The following DSCAML1 variants were observed in gnomAD, a reference collection of about 807,000 sequenced individuals.
The protein encoded by DSCAML1 is cell adhesion molecule DSCAML1.
DSCAML1 carries 38 observed loss-of-function variants against 200.5 expected under a neutral mutation model. That is an observed-to-expected ratio of 0.19 (90% CI 0.15 to 0.25). The LOEUF is 0.25. Among genes scored for constraint, DSCAML1 ranks in the 10% least tolerant of loss-of-function variants. The pLI is 1.00. For missense variants in DSCAML1, 2,223 were observed against 2,858.8 expected, an observed-to-expected ratio of 0.78 and a Z score of 5.07; for synonymous variants, 1,215 against 1,165.0, an observed-to-expected ratio of 1.04 and a Z score of -0.87.
intron 3 of DSCAML1, among the ~76,000 whole-genome samples, chr11:117,768,700 C>T (rs2054942671): frequency 6.6e-6 from 1 of 152,098 alleles, no homozygotes; most frequent in Admixed American, 6.6e-5. Flanking sequence ...TTTATCATTC[C>T]CATTTTATAG....
chr11:117,664,617 A>G (rs1022024088), intron 3 of DSCAML1, among the ~76,000 whole-genome samples: 2 of 152,268 alleles, frequency 1.3e-5, no homozygotes, highest in South Asian at 2.1e-4. Context: ...GGGGGCACTT[A>G]GCACAATGTC....
At chr11:117,655,753 T>G (rs2052720656) in intron 3 of DSCAML1, among the ~76,000 whole-genome samples, 1 of 152,116 alleles carries the variant, frequency 6.6e-6, no homozygotes, top group Non-Finnish European at 1.5e-5. Context: ...AATCTCAGGA[T>G]GGAGATGCTG....
chr11:117,562,245 G>T (rs1175362476), intron 3 of DSCAML1, among the ~76,000 whole-genome samples: 2 of 152,090 alleles, frequency 1.3e-5, no homozygotes, highest in African/African-American at 2.4e-5. Flanking sequence ...AGTTACTGAC[G>T]CACTGTGGGT....
chr11:117,765,110 A>G (rs1275431041), intron 3 of DSCAML1, among the ~76,000 whole-genome samples: 1 of 152,204 alleles, frequency 6.6e-6, no homozygotes, highest in Non-Finnish European at 1.5e-5. Context: ...AAAGGTGAAG[A>G]GGAGGAGTCA....
chr11:117,704,661 A>G (rs2053727293), intron 3 of DSCAML1, among the ~76,000 whole-genome samples: 1 of 152,234 alleles, frequency 6.6e-6, no homozygotes, highest in Non-Finnish European at 1.5e-5. Context: ...AGCCTCGGCA[A>G]TGAGAACATA....
intron 8 of DSCAML1, among the ~76,000 whole-genome samples, chr11:117,509,352 C>A (rs1426383959): frequency 6.6e-6 from 1 of 152,104 alleles, no homozygotes; most frequent in South Asian, 2.1e-4. Flanking sequence ...CTCCGAGAGG[C>A]CACTGAAGAA....
chr11:117,438,145 C>T, intron 24 of DSCAML1, 62 bp from the exon 25 acceptor site: 1 of 1,500,864 alleles, frequency 6.7e-7, no homozygotes, highest in Non-Finnish European at 9.0e-7. Context: ...GAAGCCCAGC[C>T]TCAGGTACCC....
chr11:117,430,653 A>G (rs1201538743), intron 32 of DSCAML1, 69 bp downstream of exon 32: 3 of 1,508,354 alleles, frequency 2.0e-6, no homozygotes, highest in Non-Finnish European at 2.7e-6. Context: ...AACTAGATCT[A>G]GCCAGGGCTC....
intron 1 of DSCAML1, among the ~76,000 whole-genome samples, chr11:117,784,398 A>G (rs950200576): frequency 2.6e-5 from 4 of 152,198 alleles, no homozygotes; most frequent in Non-Finnish European, 5.9e-5. Context: ...GCAAATACAT[A>G]AAGAGGAAAC....
intron 1 of DSCAML1, among the ~76,000 whole-genome samples, chr11:117,807,193 G>A (rs763631085): frequency 4.6e-5 from 7 of 152,208 alleles, no homozygotes; most frequent in Admixed American, 1.3e-4. Flanking sequence ...TGACCAAATG[G>A]CATCTCTCTG....
At chr11:117,572,713 T>C (rs1214948154) in intron 3 of DSCAML1, among the ~76,000 whole-genome samples, 1 of 152,114 alleles carries the variant, frequency 6.6e-6, no homozygotes, top group African/African-American at 2.4e-5. Flanking sequence ...CGCAAATCAG[T>C]TGAGTGAAGG....
intron 1 of DSCAML1, among the ~76,000 whole-genome samples, chr11:117,795,469 G>C (rs948372125): frequency 1.3e-5 from 2 of 152,146 alleles, no homozygotes; most frequent in African/African-American, 4.8e-5. Flanking sequence ...GGTGGGGCTT[G>C]AACAGGAGGC....
At chr11:117,775,033 A>G (rs761388276) in intron 3 of DSCAML1, among the ~76,000 whole-genome samples, 2 of 152,234 alleles carry the variant, frequency 1.3e-5, no homozygotes, top group African/African-American at 2.4e-5. Flanking sequence ...ACTTAAGTAT[A>G]TAAGAAATAC....
intron 19 of DSCAML1, among the ~76,000 whole-genome samples, chr11:117,452,201 C>A (rs10892110): frequency 0.55 from 83,566 of 151,986 alleles, 23,141 homozygotes; most frequent in African/African-American, 0.6. Context: ...AGTTATTGAA[C>A]GAGGTGTGTC....
Position 117,457,230 on chromosome 11 carries a change from G to A in DSCAML1, c.3568+1524C>T, listed in dbSNP as rs1021032833. 6.6e-5 allele frequency among the ~76,000 whole-genome samples: 10 copies of A among 152,210 alleles called. No individual in the cohort carries two copies. In the East Asian group the frequency reaches 1.9e-3, roughly 29 times the overall value. On this transcript the variant is annotated intron_variant, in intron 19 of 32. Coordinates refer to ENST00000651296, the MANE Select transcript of DSCAML1 (RefSeq NM_020693.4). ...GAAGGTGAGGGGCAGTGCTGCTTTG[G>A]GCCCGGGCTCCTGCTGTGTATAACC...
intron 1 of DSCAML1, among the ~76,000 whole-genome samples, chr11:117,793,036 A>G (rs1430316506): frequency 6.6e-6 from 1 of 151,482 alleles, no homozygotes; most frequent in Non-Finnish European, 1.5e-5. Context: ...CTCCTTCCCC[A>G]CCCCCTTCCA....
chr11:117,813,307 C>T (rs894082827), intron 1 of DSCAML1, among the ~76,000 whole-genome samples: 4 of 152,178 alleles, frequency 2.6e-5, no homozygotes, highest in Admixed American at 2.0e-4. Flanking sequence ...AGACCAACTT[C>T]GACTGTGCCC....
At chr11:117,575,146 G>A (rs966553290) in intron 3 of DSCAML1, among the ~76,000 whole-genome samples, 1 of 152,186 alleles carries the variant, frequency 6.6e-6, no homozygotes, top group Non-Finnish European at 1.5e-5. Context: ...AGCTAAGATA[G>A]TGCCATTACA....
At chr11:117,572,341 A>C (rs1456629120) in intron 3 of DSCAML1, among the ~76,000 whole-genome samples, 1 of 152,188 alleles carries the variant, frequency 6.6e-6, no homozygotes, top group East Asian at 1.9e-4. Context: ...TTTCCAGCCT[A>C]GGCCTGGGAG....
Sources: allele counts gnomAD v4.1 joint callset (sites outside exome capture counted in the v4.1 genomes callset), GRCh38; gene constraint gnomAD v4.1.1; transcripts MANE v1.5; gene names NCBI Gene and HGNC (gene_info 2026-07-23, HGNC 2026-07-21).